The following GPC5 variants were observed in gnomAD, a reference collection of about 807,000 sequenced individuals.
The protein encoded by GPC5 is glypican-5.
A neutral mutation model predicts 53.9 loss-of-function variants in GPC5; 47 were observed. The ratio of observed to expected loss-of-function variants is 0.87; its 90% CI spans 0.69 to 1.11. GPC5 has a LOEUF of 1.11. Among genes scored for constraint, GPC5 ranks in the 50% most tolerant of loss-of-function variants. The pLI is 0.00. For synonymous variants in GPC5, 286 were observed against 263.3 expected, an observed-to-expected ratio of 1.09 and a Z score of -0.84; for missense variants, 748 against 713.1, an observed-to-expected ratio of 1.05 and a Z score of -0.56.
At chr13:91,571,904 T>TG in intron 2 of GPC5, among the ~76,000 whole-genome samples, 1 of 62,750 alleles carries the variant, frequency 1.6e-5, no homozygotes, top group South Asian at 5.2e-4. Context: ...TATACACATA[T>TG]TGTATATATA....
chr13:91,800,389 A>T (rs1245523218), intron 5 of GPC5, among the ~76,000 whole-genome samples: 1 of 152,064 alleles, frequency 6.6e-6, no homozygotes, highest in African/African-American at 2.4e-5. Context: ...ATAAAGAAAC[A>T]TGCACCAAAA....
intron 7 of GPC5, among the ~76,000 whole-genome samples, chr13:92,247,326 A>G (rs2042660117): frequency 6.6e-6 from 1 of 152,150 alleles, no homozygotes; most frequent in Non-Finnish European, 1.5e-5. Flanking sequence ...TGAGACAGGT[A>G]TTGTTAAGAA....
At chr13:92,131,573 G>T (rs2041743616) in intron 6 of GPC5, among the ~76,000 whole-genome samples, 1 of 151,954 alleles carries the variant, frequency 6.6e-6, no homozygotes, top group Non-Finnish European at 1.5e-5. Flanking sequence ...TCAGTCATAT[G>T]CAGGAGCATG....
intron 6 of GPC5, among the ~76,000 whole-genome samples, chr13:92,076,309 T>C (rs1482583840): frequency 6.6e-6 from 1 of 152,110 alleles, no homozygotes; most frequent in Non-Finnish European, 1.5e-5. Context: ...CTCGATCTCT[T>C]GACCACCTGC....
intron 7 of GPC5, among the ~76,000 whole-genome samples, chr13:92,153,597 T>A (rs961400615): frequency 6.6e-6 from 1 of 152,200 alleles, no homozygotes; most frequent in African/African-American, 2.4e-5. Flanking sequence ...TCTCTTGATA[T>A]ACATGTGCAA....
At chr13:92,396,422 C>A (rs1875273865) in intron 7 of GPC5, among the ~76,000 whole-genome samples, 1 of 151,096 alleles carries the variant, frequency 6.6e-6, no homozygotes, top group Non-Finnish European at 1.5e-5. Flanking sequence ...ATATTAGCCA[C>A]CATTATTTTA....
At chr13:92,159,211 T>A (rs1045935860) in intron 7 of GPC5, among the ~76,000 whole-genome samples, 1 of 152,238 alleles carries the variant, frequency 6.6e-6, no homozygotes, top group African/African-American at 2.4e-5. Context: ...ATTATACTTT[T>A]ATTTTTTTCT....
intron 7 of GPC5, among the ~76,000 whole-genome samples, chr13:92,266,004 C>T (rs1167338049): frequency 6.6e-6 from 1 of 152,090 alleles, no homozygotes; most frequent in South Asian, 2.1e-4. Context: ...TATAACAAAC[C>T]CACCCCCGTA....
intron 5 of GPC5, among the ~76,000 whole-genome samples, chr13:91,816,116 G>A (rs546675446): frequency 6.6e-6 from 1 of 152,186 alleles, no homozygotes; most frequent in East Asian, 1.9e-4. Context: ...GCAAGGAGAG[G>A]CTTCATTTAA....
intron 6 of GPC5, among the ~76,000 whole-genome samples, chr13:92,114,716 TATATAG>T (rs1219053687): frequency 6.6e-6 from 1 of 152,188 alleles, no homozygotes; most frequent in Admixed American, 6.5e-5. Flanking sequence ...AGATAGAGAC[TATATAG>T]ATATAAAGAT....
intron 7 of GPC5, among the ~76,000 whole-genome samples, chr13:92,383,413 CTGT>C (rs1019593721): frequency 5.3e-5 from 8 of 152,044 alleles, no homozygotes; most frequent in African/African-American, 1.7e-4. Context: ...GTCTTTAGTG[CTGT>C]TGTTCACATA....
chr13:91,409,390 G>A (rs936051324), intron 1 of GPC5, among the ~76,000 whole-genome samples: 1 of 152,202 alleles, frequency 6.6e-6, no homozygotes, highest in Non-Finnish European at 1.5e-5. Flanking sequence ...GTTAGGTGAA[G>A]CTATGTGGAT....
intron 7 of GPC5, among the ~76,000 whole-genome samples, chr13:92,234,266 G>T (rs555007991): frequency 6.6e-6 from 1 of 152,140 alleles, no homozygotes; most frequent in Non-Finnish European, 1.5e-5. Context: ...CTAGTTTACA[G>T]TCCCACCAAC....
At chr13:92,547,819 C>CTTTTTTTTTTTTTT (rs567478017) in intron 7 of GPC5, among the ~76,000 whole-genome samples, 14 of 100,440 alleles carry the variant, frequency 1.4e-4, no homozygotes, top group African/African-American at 4.4e-4. Context: ...GCCTATTATT[C>CTTTTTTTTTTTTTT]TTTTTTTTTT....
intron 7 of GPC5, among the ~76,000 whole-genome samples, chr13:92,579,747 C>A (rs974474974): frequency 2.6e-5 from 4 of 152,164 alleles, no homozygotes; most frequent in African/African-American, 9.7e-5. Context: ...CATCGTACAT[C>A]ATCTAGCTAA....
intron 2 of GPC5, among the ~76,000 whole-genome samples, chr13:91,482,593 GAT>G (rs1883365573): frequency 6.6e-6 from 1 of 152,188 alleles, no homozygotes; most frequent in Non-Finnish European, 1.5e-5. Flanking sequence ...ATTTCAGTAA[GAT>G]CCTCAGGTGA....
At chr13:92,167,769 C>T (rs2042042041) in intron 7 of GPC5, among the ~76,000 whole-genome samples, 1 of 151,734 alleles carries the variant, frequency 6.6e-6, no homozygotes, top group Non-Finnish European at 1.5e-5. Flanking sequence ...TACCAGAATG[C>T]AAGCCTTTCA....
chr13:92,382,892 A>G (rs999178871), intron 7 of GPC5, among the ~76,000 whole-genome samples: 2 of 151,478 alleles, frequency 1.3e-5, no homozygotes, highest in Non-Finnish European at 2.9e-5. Flanking sequence ...AGTCCCAGCT[A>G]CTCGGGAGGC....
intron 6 of GPC5, among the ~76,000 whole-genome samples, chr13:92,128,409 C>T (rs2041717164): frequency 6.6e-6 from 1 of 152,198 alleles, no homozygotes. Flanking sequence ...GACCAAAACA[C>T]AAGATATGCT....
Sources: gnomAD v4.1 joint callset for allele counts (sites outside exome capture counted in the v4.1 genomes callset) on GRCh38, gnomAD v4.1.1 for gene constraint, MANE v1.5 for transcripts, NCBI Gene and HGNC (gene_info 2026-07-23, HGNC 2026-07-21) for gene names.